RAPGEF4: variants seen among roughly 807,000 people sequenced by gnomAD.
RAPGEF4 encodes RAP guanine-nucleotide-exchange factor (GEF) 4.
A neutral mutation model predicts 147.9 loss-of-function variants in RAPGEF4; 66 were observed. That is an observed-to-expected ratio of 0.45 (90% CI 0.37 to 0.55). RAPGEF4 has a LOEUF of 0.55. Among genes scored for constraint, RAPGEF4 ranks in the 20% least tolerant of loss-of-function variants. The pLI is 0.00. For synonymous variants in RAPGEF4, 419 were observed against 442.7 expected (o/e 0.95, Z 0.67); for missense variants, 1,071 against 1,257.3 (o/e 0.85, Z 2.24).
chr2:173,022,333 G>C (rs1218055961), intron 23 of RAPGEF4, among the ~76,000 whole-genome samples: 1 of 152,182 alleles, frequency 6.6e-6, no homozygotes, highest in Non-Finnish European at 1.5e-5. Context: ...CTCGTCCTCT[G>C]TTTTAAGGCC....
At chr2:172,765,126 C>T (rs1339174560) in intron 1 of RAPGEF4, among the ~76,000 whole-genome samples, 1 of 152,178 alleles carries the variant, frequency 6.6e-6, no homozygotes, top group Non-Finnish European at 1.5e-5. Context: ...CTTGTAGATG[C>T]ATCACTCCAA....
chr2:172,830,144 T>C (rs1045637504), intron 4 of RAPGEF4, among the ~76,000 whole-genome samples: 7 of 152,294 alleles, frequency 4.6e-5, no homozygotes, highest in Middle Eastern at 3.4e-3. Flanking sequence ...CTTCTTTATG[T>C]GGGAGAACAT....
At chr2:172,917,471 A>G (rs768773876) in intron 4 of RAPGEF4, 10 of 602,714 alleles carry the variant, frequency 1.7e-5, no homozygotes, top group South Asian at 1.4e-4. Flanking sequence ...TTTTCCCTCT[A>G]CAAAAAGCTG....
chr2:173,019,599 G>A (rs1200435967), intron 22 of RAPGEF4, among the ~76,000 whole-genome samples: 3 of 152,240 alleles, frequency 2.0e-5, no homozygotes, highest in Admixed American at 6.5e-5. Flanking sequence ...GAACAGGTGA[G>A]CCATTTCTGT....
chr2:172,916,639 T>C lies in RAPGEF4; in HGVS notation c.445-1163T>C, dbSNP rs111891952. 2.6e-5 allele frequency among the ~76,000 whole-genome samples: 4 copies of C among 152,310 alleles called. 1 individual carries two copies. Among genetic ancestry groups the C allele is most frequent in the African/African-American group, 9.6e-5 (4 of 41,574 alleles). Reference sequence around the variant, plus strand: ...GGAAATCATGGTTTTAATGTTTGCATGCAGGTGTTGGTATAGTTGCCTCAG... The same window carrying C: ...GGAAATCATGGTTTTAATGTTTGCACGCAGGTGTTGGTATAGTTGCCTCAG... On this transcript the variant is annotated intron_variant, in intron 4 of 30. Coordinates refer to ENST00000397081, the MANE Select transcript of RAPGEF4 (RefSeq NM_007023.4).
rs182176071 is a variant in RAPGEF4 at position 172,844,643 on chromosome 2, T to A, written c.444+30218T>A. Among the ~76,000 whole-genome samples, 541 of 152,348 alleles carry A rather than the reference T, an allele frequency of 3.6e-3. 3 individuals carry two copies. Among genetic ancestry groups the A allele is most frequent in the African/African-American group, 0.012 (519 of 41,584 alleles). On this transcript the variant is annotated intron_variant, in intron 4 of 30. Transcript: ENST00000397081. ...ACACAATTAAAAAAGTCAGCCACAG[T>A]GTGTCCCTGTGATTTTTGGCTGGCA...
chr2:172,859,468 A>G (rs1306379473), intron 4 of RAPGEF4, among the ~76,000 whole-genome samples: 1 of 152,250 alleles, frequency 6.6e-6, no homozygotes, highest in Non-Finnish European at 1.5e-5. Flanking sequence ...TACAGCCTTT[A>G]GCTCCTGCTT....
At chr2:172,848,336 A>G (rs977892478) in intron 4 of RAPGEF4, among the ~76,000 whole-genome samples, 28 of 152,290 alleles carry the variant, frequency 1.8e-4, no homozygotes, top group African/African-American at 6.3e-4. Context: ...AATTCACACT[A>G]GATCCCTTCT....
In RAPGEF4 at chr2:173,016,446, G is replaced by C. The variant is rs1198003434; in HGVS notation, c.1898+9G>C. 6.3e-7 allele frequency: 1 copy of C among 1,593,576 alleles called. No individual in the cohort carries two copies. The highest frequency in any genetic ancestry group is 8.6e-7 in the Non-Finnish European group (1 of 1,161,352). On this transcript the variant is annotated intron_variant, in intron 19 of 30. Transcript: ENST00000397081. Reference sequence around the variant, plus strand: ...AAGATTGTCAAGCAAATGTAAGGAAGGGCTTGACTGTGGGGGTGTGCTTTC... The same window carrying C: ...AAGATTGTCAAGCAAATGTAAGGAACGGCTTGACTGTGGGGGTGTGCTTTC...
intron 25 of RAPGEF4, 125 bp from the exon 26 acceptor site, chr2:173,030,039 A>T: frequency 1.6e-6 from 1 of 633,798 alleles, no homozygotes; most frequent in Non-Finnish European, 2.8e-6. Flanking sequence ...CATTAAATCT[A>T]TCATTGCCTG....
chr2:173,003,184 A>G (rs1432215197), intron 17 of RAPGEF4, among the ~76,000 whole-genome samples: 1 of 152,102 alleles, frequency 6.6e-6, no homozygotes, highest in Non-Finnish European at 1.5e-5. Flanking sequence ...TTCCCCTTCA[A>G]GGGTTGACTG....
At chr2:172,939,950 A>G (rs1686984924) in intron 6 of RAPGEF4, among the ~76,000 whole-genome samples, 1 of 151,976 alleles carries the variant, frequency 6.6e-6, no homozygotes, top group Admixed American at 6.6e-5. Flanking sequence ...ATGTGGGTCT[A>G]TTTTTGGACT....
At position 173,048,595 on chromosome 2, in the gene RAPGEF4, T is replaced by G. The variant is rs1685793263; in HGVS notation, c.2854-5T>G. The G allele has an allele frequency of 1.9e-6, 3 of 1,614,140 alleles. No homozygotes were observed. Among genetic ancestry groups the G allele is most frequent in the Non-Finnish European group, 1.7e-6 (2 of 1,180,002 alleles). On this transcript the variant is annotated splice_polypyrimidine_tract_variant and splice_region_variant and intron_variant, in intron 29 of 30. Transcript: ENST00000397081. Reference sequence around the variant, plus strand: ...CTATCTTTCTTTTTTCTATATTCCTTTTAGCGCATGATTGCAAATACGGCC... The same window carrying G: ...CTATCTTTCTTTTTTCTATATTCCTGTTAGCGCATGATTGCAAATACGGCC...
At chr2:172,963,063 A>G (rs2011562) in intron 8 of RAPGEF4, among the ~76,000 whole-genome samples, 45,878 of 152,036 alleles carry the variant, frequency 0.3, 7,788 homozygotes, top group East Asian at 0.44. Context: ...ACATCATACC[A>G]TGGCAGAGCA....
intron 3 of RAPGEF4, among the ~76,000 whole-genome samples, chr2:172,808,366 G>A (rs191756864): frequency 1.7e-4 from 26 of 152,228 alleles, no homozygotes; most frequent in Admixed American, 1.3e-3. Flanking sequence ...CTTTGAATAC[G>A]AGCTCCCCCA....
At chr2:172,964,062 G>A (rs1689578297) in intron 8 of RAPGEF4, among the ~76,000 whole-genome samples, 1 of 152,142 alleles carries the variant, frequency 6.6e-6, no homozygotes, top group Non-Finnish European at 1.5e-5. Flanking sequence ...TGAATTAAAA[G>A]CCAAATGAAA....
At chr2:172,812,378 C>T (rs553344146) in intron 3 of RAPGEF4, among the ~76,000 whole-genome samples, 5 of 152,128 alleles carry the variant, frequency 3.3e-5, no homozygotes, top group African/African-American at 7.2e-5. Flanking sequence ...GCAGCACTAC[C>T]GTGATGAAAT....
chr2:172,800,298 C>A (rs1686838361), intron 3 of RAPGEF4, among the ~76,000 whole-genome samples: 1 of 152,170 alleles, frequency 6.6e-6, no homozygotes, highest in Non-Finnish European at 1.5e-5. Context: ...CAGGGCCCAG[C>A]TTTCCAGCCA....
chr2:172,956,293 A>G (rs1021584433), intron 6 of RAPGEF4, among the ~76,000 whole-genome samples: 2 of 151,864 alleles, frequency 1.3e-5, no homozygotes, highest in African/African-American at 2.4e-5. Flanking sequence ...GGCTTCTGAA[A>G]TTTTCCTCCC....
Sources: allele counts gnomAD v4.1 joint callset (sites outside exome capture counted in the v4.1 genomes callset), GRCh38; gene constraint gnomAD v4.1.1; transcripts MANE v1.5; gene names NCBI Gene and HGNC (gene_info 2026-07-23, HGNC 2026-07-21).